The following HOGA1 variants were observed in gnomAD, a reference collection of about 807,000 sequenced individuals.
HOGA1 encodes 4-hydroxy-2-oxoglutarate aldolase 1.
A neutral mutation model predicts 34.3 loss-of-function variants in HOGA1; 30 were observed. That is an observed-to-expected ratio of 0.87 (90% CI 0.65 to 1.19). The LOEUF is 1.19. HOGA1 is among the 50% of genes most tolerant of loss of function. The probability of loss-of-function intolerance (pLI) is 0.00; values close to 1 mark genes in which losing one functional copy is unlikely to be tolerated. For synonymous variants in HOGA1, 161 were observed against 174.0 expected, an observed-to-expected ratio of 0.93 and a Z score of 0.59; for missense variants, 417 against 436.5, an observed-to-expected ratio of 0.96 and a Z score of 0.40.
At chr10:97,608,201 A>G (rs986209520) in intron 6 of HOGA1, among the ~76,000 whole-genome samples, 1 of 152,150 alleles carries the variant, frequency 6.6e-6, no homozygotes, top group Non-Finnish European at 1.5e-5. Context: ...AGCCCCAGCT[A>G]CTCAGAGGCT....
At position 97,599,752 on chromosome 10, in the gene HOGA1, G is replaced by C. The variant is rs148621526; in HGVS notation, c.541G>C (p.Asp181His). ...CAACACAGGGCTGGACCTGCCTGTG[G>C]ATGCAGTGGTCACGCTTTCCCAGCA... is the stretch of plus-strand genomic sequence containing the variant. ...PANTGLDLPVDAVVTLSQHPN... is the reference protein window; with the variant it reads ...PANTGLDLPVHAVVTLSQHPN... Residue 181 changes from aspartate (D) to histidine (H), a missense_variant, in exon 4 of 7, where the codon GAT becomes CAT. Coordinates refer to ENST00000370646, the MANE Select transcript of HOGA1 (RefSeq NM_138413.4). The C allele has an allele frequency of 2.4e-5, 39 of 1,614,084 alleles. No individual in the cohort carries two copies. In the Admixed American group the frequency reaches 3.8e-4, roughly 16 times the overall value.
rs1004214711 is a variant in HOGA1 at position 97,611,716 on chromosome 10, G to A, written c.*57G>A. 1.9e-6 allele frequency: 3 copies of A among 1,566,856 alleles called. No individual in the cohort carries two copies. Among genetic ancestry groups the A allele is most frequent in the African/African-American group, 2.7e-5 (2 of 74,422 alleles). ...CATCTCAGCCTCCTGCCTTGCACTT[G>A]CAGCCTGAAGCGGAGAGCACAGGGG... On this transcript the variant is annotated 3_prime_UTR_variant, in exon 7 of 7. Coordinates refer to ENST00000370646, the MANE Select transcript of HOGA1 (RefSeq NM_138413.4).
chr10:97,602,038 TG>T, intron 6 of HOGA1, 48 bp downstream of exon 6: 1 of 1,579,218 alleles, frequency 6.3e-7, no homozygotes, highest in Middle Eastern at 1.7e-4. Flanking sequence ...GTGGGCAGTC[TG>T]TGTCCTCATT....
At chr10:97,602,971 C>T (rs141634397) in intron 6 of HOGA1, among the ~76,000 whole-genome samples, 45 of 152,248 alleles carry the variant, frequency 3.0e-4, no homozygotes, top group African/African-American at 9.1e-4. Context: ...GGATTACAGG[C>T]GTAAGCCACA....
At chr10:97,610,848 G>T (rs1484922662) in intron 6 of HOGA1, among the ~76,000 whole-genome samples, 1 of 152,062 alleles carries the variant, frequency 6.6e-6, no homozygotes, top group Non-Finnish European at 1.5e-5. Context: ...AATAGCTTTA[G>T]GTCCCCCATT....
chr10:97,602,368 C>T (rs373517221), intron 6 of HOGA1: 16 of 1,195,618 alleles, frequency 1.3e-5, no homozygotes, highest in Middle Eastern at 3.8e-4. Context: ...TCCGTGCTAT[C>T]GGGGGCCAGG....
chr10:97,594,144 C>G (rs35650059), intron 1 of HOGA1, among the ~76,000 whole-genome samples: 4 of 145,188 alleles, frequency 2.8e-5, no homozygotes, highest in African/African-American at 1.0e-4. Flanking sequence ...GCTGGAATTA[C>G]AGGCATGAGC....
At chr10:97,593,050 A>AAAAAAAAAAAAAAAAAAAAAG (rs2041040287) in intron 1 of HOGA1, among the ~76,000 whole-genome samples, 1 of 150,790 alleles carries the variant, frequency 6.6e-6, no homozygotes, top group Non-Finnish European at 1.5e-5. Context: ...AAAAAAAAAA[A>AAAAAAAAAAAAAAAAAAAAAG]AGAGAATGGT....
At chr10:97,610,794 T>G (rs1301809283) in intron 6 of HOGA1, among the ~76,000 whole-genome samples, 1 of 150,290 alleles carries the variant, frequency 6.7e-6, no homozygotes, top group Non-Finnish European at 1.5e-5. Flanking sequence ...AGCAAGACTG[T>G]CTCAAAAAAA....
rs61731946 is a variant in HOGA1, at chr10:97,601,864, G to C, written c.708G>C (p.Val236=). The C allele has an allele frequency of 6.2e-7, 1 of 1,612,256 alleles. No homozygotes were observed. Among genetic ancestry groups the C allele is most frequent in the Non-Finnish European group, 8.5e-7 (1 of 1,179,958 alleles). Residue 236 remains valine (V), a synonymous_variant, in exon 6 of 7, where the codon GTG becomes GTC. Coordinates refer to ENST00000370646, the MANE Select transcript of HOGA1 (RefSeq NM_138413.4). ...FLMASYALGA[V]GGVCALANVL... is the part of the protein sequence containing the mutation. ...GCGTCTTACTTCGTGCAGGAGCTGT[G>C]GGGGGCGTCTGCGCCCTGGCCAATG... is the stretch of plus-strand genomic sequence containing the variant.
At chr10:97,601,513 C>T (rs2041116690) in intron 5 of HOGA1, among the ~76,000 whole-genome samples, 1 of 152,120 alleles carries the variant, frequency 6.6e-6, no homozygotes. Context: ...AGTCAGGGGG[C>T]TATTGGAGGA....
At chr10:97,589,448 C>G (rs1361062389) in intron 1 of HOGA1, among the ~76,000 whole-genome samples, 1 of 151,546 alleles carries the variant, frequency 6.6e-6, no homozygotes, top group African/African-American at 2.4e-5. Context: ...CTGGAAGATA[C>G]AAAGGCCTAA....
chr10:97,601,437 T>TG (rs1216386690), intron 5 of HOGA1, among the ~76,000 whole-genome samples: 1 of 152,114 alleles, frequency 6.6e-6, no homozygotes, highest in African/African-American at 2.4e-5. Flanking sequence ...TTGCATCCAC[T>TG]GGGGGGAATA....
intron 6 of HOGA1, among the ~76,000 whole-genome samples, chr10:97,606,592 A>T (rs1319753210): frequency 6.6e-6 from 1 of 152,052 alleles, no homozygotes. Flanking sequence ...TGGGTTCTCT[A>T]TTCTTTCCAT....
At chr10:97,600,360 C>T (rs2041107104) in intron 5 of HOGA1, 197 bp downstream of exon 5, 1 of 641,666 alleles carries the variant, frequency 1.6e-6, no homozygotes. Flanking sequence ...ACCTTGTTGG[C>T]TGAAGGAGGA....
chr10:97,599,066 C>G, intron 2 of HOGA1, 23 bp from the exon 3 acceptor site: 2 of 1,611,458 alleles, frequency 1.2e-6, no homozygotes, highest in Non-Finnish European at 1.7e-6. Context: ...TGCCTGCTCT[C>G]ACCTCTCTCC....
At chr10:97,587,216 T>C (rs919393555) in intron 1 of HOGA1, among the ~76,000 whole-genome samples, 2 of 152,178 alleles carry the variant, frequency 1.3e-5, no homozygotes, top group Non-Finnish European at 2.9e-5. Context: ...AGGTAGACTT[T>C]GCAGCCCAAC....
rs142705958 is a variant in HOGA1, at chr10:97,591,870, G to A, written c.212-6905G>A. On this transcript the variant is annotated intron_variant, in intron 1 of 6. Transcript: ENST00000370646. ...GTGTGTGTGTGTGTGACAGAGTCTC[G>A]CTTCATTGCCCAGGCTGGAGTACAG... is the stretch of plus-strand genomic sequence containing the variant. Among the ~76,000 whole-genome samples, 446 of 107,988 alleles carry A rather than the reference G, an allele frequency of 4.1e-3. 5 individuals carry two copies. The highest frequency in any genetic ancestry group is 0.016 in the African/African-American group (434 of 27,988). The allele number at this position is 107,988 out of a possible 152,430, so 70.8% of individuals were successfully genotyped here. A position where few individuals can be genotyped will look rare whatever the true frequency, so the allele number is the denominator to read the frequency against.
intron 5 of HOGA1, among the ~76,000 whole-genome samples, chr10:97,601,118 G>A (rs749850790): frequency 8.5e-5 from 13 of 152,158 alleles, no homozygotes; most frequent in African/African-American, 2.7e-4. Context: ...CTGCTGTAGC[G>A]CGCCTGGGAC....
Sources: allele counts gnomAD v4.1 joint callset (sites outside exome capture counted in the v4.1 genomes callset), GRCh38; gene constraint gnomAD v4.1.1; transcripts MANE v1.5; gene names NCBI Gene and HGNC (gene_info 2026-07-23, HGNC 2026-07-21).